PRRT3: variants seen among roughly 807,000 people sequenced by gnomAD.
The protein encoded by PRRT3 is proline-rich transmembrane protein 3.
A neutral mutation model predicts 56.6 loss-of-function variants in PRRT3; 48 were observed. The observed-to-expected ratio is 0.85, with a 90% CI of 0.67 to 1.08. The LOEUF is 1.08. PRRT3 is among the 50% of genes least tolerant of loss of function. The pLI, the probability that PRRT3 is intolerant of heterozygous loss-of-function variation, is 0.00. For synonymous variants in PRRT3, 641 were observed against 619.1 expected, an observed-to-expected ratio of 1.04 and a Z score of -0.52; for missense variants, 1,370 against 1,353.1, an observed-to-expected ratio of 1.01 and a Z score of -0.20.
intron 1 of PRRT3, among the ~76,000 whole-genome samples, chr3:9,951,037 G>A (rs1204749503): frequency 6.6e-6 from 1 of 152,196 alleles, no homozygotes; most frequent in South Asian, 2.1e-4. Context: ...GTTCATACCT[G>A]ATGCTTGACA....
rs2085541774 is a variant in PRRT3, at chr3:9,947,245, G to C, written c.1928C>G (p.Ala643Gly). Reference sequence around the variant, plus strand: ...GCTAGCCAGCAGCCCCAGCGCGCCCGCCACAGCCAACAGCCGAGGGCCCGG... The same window carrying C: ...GCTAGCCAGCAGCCCCAGCGCGCCCCCCACAGCCAACAGCCGAGGGCCCGG... ...ASPGPRLLAV[A>G]GALGLLASGL... Residue 643 changes from alanine (A) to glycine (G), a missense_variant, in exon 4 of 4, where the codon GCG becomes GGG. Physicochemically the swap from Ala to Gly is moderately conservative, Grantham distance 60. Coordinates refer to ENST00000412055, the MANE Select transcript of PRRT3 (RefSeq NM_207351.5). The surrounding 1 kb of genome is among the most constrained non-coding windows in gnomAD (Gnocchi z 9.2). 2 of 1,500,570 alleles carry C rather than the reference G, an allele frequency of 1.3e-6. No homozygotes were observed. The highest frequency in any genetic ancestry group is 1.8e-6 in the Non-Finnish European group (2 of 1,133,332). The allele number at this position is 1,500,570 out of a possible 1,614,324, so 93.0% of individuals were successfully genotyped here.
chr3:9,947,946 G>A lies in PRRT3; in HGVS notation c.1227C>T (p.Val409=). The A allele has an allele frequency of 7.1e-7, 1 of 1,399,774 alleles. No homozygotes were observed. The highest frequency in any genetic ancestry group is 1.5e-5 in the African/African-American group (1 of 66,730). The allele number at this position is 1,399,774 out of a possible 1,614,324, so 86.7% of individuals were successfully genotyped here. A position where few individuals can be genotyped will look rare whatever the true frequency, so the allele number is the denominator to read the frequency against. ...RPQSHPPAPP[V]QAPSTSRRGL... ...CCCGGCGTGACGTCGAGGGGGCCTG[G>A]ACTGGGGGTGCTGGGGGATGGCTTT... The change falls in exon 4 of 4, where the codon GTC becomes GTT. Residue 409 remains valine, a synonymous_variant. Coordinates refer to ENST00000412055, the MANE Select transcript of PRRT3 (RefSeq NM_207351.5). The surrounding 1 kb of genome is among the most constrained non-coding windows in gnomAD (Gnocchi z 9.2).
Position 9,949,647 on chromosome 3 carries a change from T to C in PRRT3, c.469A>G (p.Thr157Ala). 1 of 1,614,010 alleles carries C rather than the reference T, an allele frequency of 6.2e-7. No individual in the cohort carries two copies. The highest frequency in any genetic ancestry group is 1.1e-5 in the South Asian group (1 of 91,064). The part of the protein sequence containing the change: ...VGHPHLTFIP[T>A]TPRRQLRVAT... ...ACCCTGAGTTGACGTCTGGGAGTTG[T>C]GGGGATGAAAGTGAGATGAGGGTGG... Residue 157 changes from threonine (T) to alanine (A), a missense_variant, in exon 2 of 4, where the codon ACA becomes GCA. Coordinates refer to ENST00000412055, the MANE Select transcript of PRRT3 (RefSeq NM_207351.5). The surrounding 1 kb of genome is among the most constrained non-coding windows in gnomAD (Gnocchi z 4.5).
chr3:9,950,572 G>T (rs192862784), intron 1 of PRRT3, among the ~76,000 whole-genome samples: 1 of 152,136 alleles, frequency 6.6e-6, no homozygotes, highest in South Asian at 2.1e-4. Context: ...GCGTGATCTC[G>T]GCTCACTGCA....
Position 9,947,522 on chromosome 3 carries a change from C to T in PRRT3, c.1651G>A (p.Ala551Thr). ...CCGAGCAGAGTCAGGGCTGCCAGCG[C>T]CGTAAGCAGCAAGGGGAAGGGCAGG... ...YNLPFPLLLT[A>T]LAALTLLGLG... The change falls in exon 4 of 4, where the codon GCG (alanine) becomes ACG (threonine). Residue 551 changes from alanine to threonine, a missense_variant. Coordinates refer to ENST00000412055, the MANE Select transcript of PRRT3 (RefSeq NM_207351.5). This position sits in a 1 kb window ranked among gnomAD's most constrained non-coding sequence, Gnocchi z 9.2. 1 of 1,611,772 alleles carries T rather than the reference C, an allele frequency of 6.2e-7. No individual in the cohort carries two copies. The highest frequency in any genetic ancestry group is 8.5e-7 in the Non-Finnish European group (1 of 1,179,522).
At chr3:9,948,645 G>T in intron 3 of PRRT3, 113 bp downstream of exon 3, 1 of 1,261,414 alleles carries the variant, frequency 7.9e-7, no homozygotes, top group Non-Finnish European at 1.1e-6. Flanking sequence ...ACTCCTTTAA[G>T]GAGGTGATTG....
Position 9,946,251 on chromosome 3 carries a change from G to A in PRRT3, c.2922C>T (p.Ala974=), listed in dbSNP as rs376329161. Residue 974 remains alanine (A), a synonymous_variant, in exon 4 of 4, where the codon GCC becomes GCT. Coordinates refer to ENST00000412055, the MANE Select transcript of PRRT3 (RefSeq NM_207351.5). The surrounding 1 kb of genome is among the most constrained non-coding windows in gnomAD (Gnocchi z 4.1). ...PRGKPGESRS[A]SSDTIEL Reference sequence around the variant, plus strand: ...TTCAAAGCTCGATGGTATCACTGGAGGCGCTGCGGGATTCCCCAGGCTTGC... The same window carrying A: ...TTCAAAGCTCGATGGTATCACTGGAAGCGCTGCGGGATTCCCCAGGCTTGC... The A allele has an allele frequency of 1.6e-4, 251 of 1,612,708 alleles. 3 individuals carry two copies. In the African/African-American group the frequency reaches 2.9e-3, roughly 19 times the overall value.
chr3:9,949,068 A>G lies in PRRT3; in HGVS notation c.1015+33T>C. 3.9e-6 allele frequency: 6 copies of G among 1,551,210 alleles called. No homozygotes were observed. The highest frequency in any genetic ancestry group is 1.4e-5 in the African/African-American group (1 of 72,478). ...CAGAATTGAGGCATCCAGCTGCCCC[A>G]GAACATCGCTCAGCACACTCATTGA... On this transcript the variant is annotated intron_variant, in intron 2 of 3. Transcript: ENST00000412055. The surrounding 1 kb of genome is among the most constrained non-coding windows in gnomAD (Gnocchi z 4.5).
rs1356169431 is a variant in PRRT3, at chr3:9,946,916, TC to T, written c.2256del (p.Ser753AlafsTer47). Reference protein sequence around the residue: ...NVGAGSLDISKSLIRNPAESG... With the variant: ...NVGAGSLDISXSLIRNPAESG... The stretch of plus-strand genomic sequence containing the variant: ...CTCTCCGCCGGGTTGCGGATGAGGC[TC>T]TTGCTGATGTCCAAGCTGCCTGCAC... On this transcript the variant is annotated frameshift_variant, in exon 4 of 4. Transcript: ENST00000412055. LOFTEE classifies it high-confidence loss of function. The surrounding 1 kb of genome is among the most constrained non-coding windows in gnomAD (Gnocchi z 4.1). 1.9e-6 allele frequency: 3 copies of T among 1,539,814 alleles called. No homozygotes were observed. The highest frequency in any genetic ancestry group is 2.6e-6 in the Non-Finnish European group (3 of 1,148,396).
chr3:9,948,074 G>A (rs1414866722), intron 3 of PRRT3, 73 bp from the exon 4 acceptor site: 1 of 1,261,498 alleles, frequency 7.9e-7, no homozygotes, highest in East Asian at 3.1e-5. Context: ...TAGTGTGGTT[G>A]GCAAGTCATT....
chr3:9,946,259 G>A lies in PRRT3; in HGVS notation c.2914C>T (p.Arg972Cys), dbSNP rs770045739. ...VQPRGKPGES[R>C]SASSDTIEL The stretch of plus-strand genomic sequence containing the variant: ...TCGATGGTATCACTGGAGGCGCTGC[G>A]GGATTCCCCAGGCTTGCCGCGCGGC... The change falls in exon 4 of 4, where the codon CGC (arginine) becomes TGC (cysteine). Residue 972 changes from arginine (R) to cysteine (C), a missense_variant. Coordinates refer to ENST00000412055, the MANE Select transcript of PRRT3 (RefSeq NM_207351.5). This position sits in a 1 kb window ranked among gnomAD's most constrained non-coding sequence, Gnocchi z 4.1. The A allele has an allele frequency of 6.2e-7, 1 of 1,612,776 alleles. No individual in the cohort carries two copies.
Position 9,947,100 on chromosome 3 carries a change from G to T in PRRT3, c.2073C>A (p.Leu691=). ...WLRLLELTWA[L]ALALAAVAAA... ...CAGCCACCGCGGCCAACGCCAGGGCGAGCGCCCATGTCAGCTCCAGGAGGC... is the reference window on the plus strand; with the variant it reads ...CAGCCACCGCGGCCAACGCCAGGGCTAGCGCCCATGTCAGCTCCAGGAGGC... Residue 691 remains leucine (L), a synonymous_variant, in exon 4 of 4, where the codon CTC becomes CTA. Coordinates refer to ENST00000412055, the MANE Select transcript of PRRT3 (RefSeq NM_207351.5). This position sits in a 1 kb window ranked among gnomAD's most constrained non-coding sequence, Gnocchi z 9.2. 1 of 1,536,958 alleles carries T rather than the reference G, an allele frequency of 6.5e-7. No homozygotes were observed. Among genetic ancestry groups the T allele is most frequent in the Admixed American group, 2.0e-5 (1 of 51,158 alleles).
At position 9,949,050 on chromosome 3, in the gene PRRT3, G is replaced by A. The variant is rs375126170; in HGVS notation, c.1015+51C>T. 12 of 1,533,924 alleles carry A rather than the reference G, an allele frequency of 7.8e-6. No homozygotes were observed. The African/African-American group carries it at 1.5e-4, about 20-fold the overall frequency. Reference sequence around the variant, plus strand: ...GAGGGACCCAGGGTCAAACAGAATTGAGGCATCCAGCTGCCCCAGAACATC... The same window carrying A: ...GAGGGACCCAGGGTCAAACAGAATTAAGGCATCCAGCTGCCCCAGAACATC... On this transcript the variant is annotated intron_variant, in intron 2 of 3. Coordinates refer to ENST00000412055, the MANE Select transcript of PRRT3 (RefSeq NM_207351.5). The surrounding 1 kb of genome is among the most constrained non-coding windows in gnomAD (Gnocchi z 4.5).
chr3:9,947,466 T>A lies in PRRT3; in HGVS notation c.1707A>T (p.Gln569His). 1 of 1,612,372 alleles carries A rather than the reference T, an allele frequency of 6.2e-7. No individual in the cohort carries two copies. Among genetic ancestry groups the A allele is most frequent in the Non-Finnish European group, 8.5e-7 (1 of 1,179,598 alleles). ...CCACTGCTCCCAGCAGGAGTGGGTTTTGCAGCGGTGGCGGCAGCCCCGCGC... is the reference window on the plus strand; with the variant it reads ...CCACTGCTCCCAGCAGGAGTGGGTTATGCAGCGGTGGCGGCAGCCCCGCGC... ...GLGAGLPPPL[Q>H]NPLLLGAVAL... The change falls in exon 4 of 4, where the codon CAA becomes CAT. Residue 569 changes from glutamine to histidine, a missense_variant. Gln to His is a conservative substitution (Grantham distance 24, BLOSUM62 0). Coordinates refer to ENST00000412055, the MANE Select transcript of PRRT3 (RefSeq NM_207351.5). The surrounding 1 kb of genome is among the most constrained non-coding windows in gnomAD (Gnocchi z 9.2).
chr3:9,950,272 C>A, intron 1 of PRRT3, 100 bp from the exon 2 acceptor site: 2 of 461,158 alleles, frequency 4.3e-6, no homozygotes, highest in Non-Finnish European at 7.2e-6. Flanking sequence ...AAGGCAGCAG[C>A]TTCTCTGCTT....
At position 9,946,038 on chromosome 3, in the gene PRRT3, G is replaced by A; in HGVS notation, c.*189C>T. 1 of 844,830 alleles carries A rather than the reference G, an allele frequency of 1.2e-6. No individual in the cohort carries two copies. Among genetic ancestry groups the A allele is most frequent in the South Asian group, 1.9e-5 (1 of 53,566 alleles). 52.3% of individuals were successfully genotyped at this position (844,830 alleles called of 1,614,324 possible). A position where few individuals can be genotyped will look rare whatever the true frequency, so the allele number is the denominator to read the frequency against. On this transcript the variant is annotated 3_prime_UTR_variant, in exon 4 of 4. Transcript: ENST00000412055. This position sits in a 1 kb window ranked among gnomAD's most constrained non-coding sequence, Gnocchi z 4.1. Reference sequence around the variant, plus strand: ...TAGAGACGAGGGTTTCGCTATGTTCGAGACCAGGAGGCTGATCTCGAACTC... The same window carrying A: ...TAGAGACGAGGGTTTCGCTATGTTCAAGACCAGGAGGCTGATCTCGAACTC...
In PRRT3 at chr3:9,948,865, C is replaced by G; in HGVS notation, c.1064G>C (p.Arg355Thr). 1 of 1,607,908 alleles carries G rather than the reference C, an allele frequency of 6.2e-7. No homozygotes were observed. The highest frequency in any genetic ancestry group is 8.5e-7 in the Non-Finnish European group (1 of 1,176,746). Residue 355 changes from arginine to threonine, a missense_variant, in exon 3 of 4, where the codon AGA (arginine) becomes ACA (threonine). Coordinates refer to ENST00000412055, the MANE Select transcript of PRRT3 (RefSeq NM_207351.5). ...GGTGCCTGGGGCCTCCACAGCTCCT[C>G]TCACCCGCTGGGGGGAGATGGGGTC... ...GADPISPQRVRGAVEAPGTPK... is the reference protein window; with the variant it reads ...GADPISPQRVTGAVEAPGTPK...
In PRRT3 at chr3:9,949,452, C is replaced by T; in HGVS notation, c.664G>A (p.Val222Met). ...VSHSGTVKRP[V>M]LEGQGGFEEH... ...TCAAACCCACCCTGTCCTTCCAGCA[C>T]TGGCCTCTTGACAGTACCTGAGTGG... The change falls in exon 2 of 4, where the codon GTG becomes ATG. Residue 222 changes from valine to methionine, a missense_variant. By Grantham distance (21) the Val-to-Met change is conservative. Coordinates refer to ENST00000412055, the MANE Select transcript of PRRT3 (RefSeq NM_207351.5). The surrounding 1 kb of genome is among the most constrained non-coding windows in gnomAD (Gnocchi z 4.5). The T allele has an allele frequency of 6.2e-7, 1 of 1,614,134 alleles. No individual in the cohort carries two copies. The highest frequency in any genetic ancestry group is 8.5e-7 in the Non-Finnish European group (1 of 1,180,014).
At chr3:9,948,508 T>C (rs895030977) in intron 3 of PRRT3, 2 of 512,828 alleles carry the variant, frequency 3.9e-6, no homozygotes, top group African/African-American at 3.9e-5. Flanking sequence ...TATATATTTT[T>C]TTTGTTCTAA....
Sources: allele counts gnomAD v4.1 joint callset (sites outside exome capture counted in the v4.1 genomes callset), GRCh38; gene constraint gnomAD v4.1.1; non-coding constraint Gnocchi (gnomAD v3.1); transcripts MANE v1.5; gene names NCBI Gene and HGNC (gene_info 2026-07-23, HGNC 2026-07-21).